Variants in UCN3 observed in about 807,000 individuals in gnomAD.
The protein encoded by UCN3 is urocortin-3.
UCN3 carries 3 observed loss-of-function variants against 3.6 expected under a neutral mutation model. That is an observed-to-expected ratio of 0.83 (90% CI 0.38 to 2.15). The LOEUF (loss-of-function observed/expected upper bound fraction) is 2.15. Ranked by LOEUF, UCN3 falls within the 30% of genes most tolerant of loss-of-function variation. The pLI, the probability that UCN3 is intolerant of heterozygous loss-of-function variation, is 0.06. For synonymous variants in UCN3, 100 were observed against 93.2 expected (o/e 1.07, Z -0.42); for missense variants, 206 against 208.3 (o/e 0.99, Z 0.07).
chr10:5,370,565 G>A (rs1428857241), intron 1 of UCN3, among the ~76,000 whole-genome samples: 1 of 109,884 alleles, frequency 9.1e-6, no homozygotes, highest in African/African-American at 3.7e-5. Context: ...ATATGTGTGT[G>A]TATATGCGTG....
At position 5,373,730 on chromosome 10, in the gene UCN3, C is replaced by G. The variant is rs2119114102; in HGVS notation, c.10C>G (p.Pro4Ala). 6.2e-7 allele frequency: 1 copy of G among 1,613,452 alleles called. No homozygotes were observed. The highest frequency in any genetic ancestry group is 2.2e-5 in the East Asian group (1 of 44,850). MLMPVHFLLLLLLL... is the reference protein window; with the variant it reads MLMAVHFLLLLLLL... ...TCTGCTGCAGGGAGAGATGCTGATGCCGGTCCACTTCCTGCTGCTCCTGCT... is the reference window on the plus strand; with the variant it reads ...TCTGCTGCAGGGAGAGATGCTGATGGCGGTCCACTTCCTGCTGCTCCTGCT... Residue 4 changes from proline (P) to alanine (A), a missense_variant, in exon 2 of 2, where the codon CCG becomes GCG. Coordinates refer to ENST00000380433, the MANE Select transcript of UCN3 (RefSeq NM_053049.4).
rs143657571 is a variant in UCN3, at chr10:5,373,248, T to G, written c.-6-467T>G. Among the ~76,000 whole-genome samples the G allele has an allele frequency of 7.2e-5, 11 of 152,354 alleles. No individual in the cohort carries two copies. The East Asian group carries it at 1.9e-3, about 27-fold the overall frequency. On this transcript the variant is annotated intron_variant, in intron 1 of 1. Transcript: ENST00000380433. ...TGACTAGACGCCCAGCCATGGTCTTTAAGCAACAGGGATATATTCAGTCAG... is the reference window on the plus strand; with the variant it reads ...TGACTAGACGCCCAGCCATGGTCTTGAAGCAACAGGGATATATTCAGTCAG...
chr10:5,374,088 C>T lies in UCN3; in HGVS notation c.368C>T (p.Ser123Phe), dbSNP rs1413001233. The T allele has an allele frequency of 2.5e-6, 4 of 1,613,648 alleles. No individual in the cohort carries two copies. Among genetic ancestry groups the T allele is most frequent in the Non-Finnish European group, 3.4e-6 (4 of 1,179,968 alleles). ...CCCCACCGCACCAAGTTCACCCTGT[C>T]CCTCGACGTCCCCACCAACATCATG... is the stretch of plus-strand genomic sequence containing the variant. ...KSPHRTKFTLSLDVPTNIMNL... is the reference protein window; with the variant it reads ...KSPHRTKFTLFLDVPTNIMNL... Residue 123 changes from serine to phenylalanine, a missense_variant, in exon 2 of 2, where the codon TCC (serine) becomes TTC (phenylalanine). By Grantham distance (155) the Ser-to-Phe change is radical. Coordinates refer to ENST00000380433, the MANE Select transcript of UCN3 (RefSeq NM_053049.4).
chr10:5,368,721 G>A (rs1473513852), intron 1 of UCN3, among the ~76,000 whole-genome samples: 2 of 152,074 alleles, frequency 1.3e-5, no homozygotes, highest in African/African-American at 4.8e-5. Context: ...AAGGTATAAG[G>A]CAGCTAAAAC....
In UCN3 at chr10:5,374,463, T is replaced by G; in HGVS notation, c.*257T>G. On this transcript the variant is annotated 3_prime_UTR_variant, in exon 2 of 2. Transcript: ENST00000380433. The stretch of plus-strand genomic sequence containing the variant: ...CCAGACACAAAGCAGCTAACGTTCC[T>G]CCCTGTACTCAGCGTCTCCTTCCTC... The G allele has an allele frequency of 2.3e-6, 1 of 428,176 alleles. No homozygotes were observed. Among genetic ancestry groups the G allele is most frequent in the East Asian group, 4.6e-5 (1 of 21,636 alleles). The allele number at this position is 428,176 out of a possible 1,614,324, so 26.5% of individuals were successfully genotyped here.
Position 5,374,081 on chromosome 10 carries a change from ACCCTGTC to A in UCN3, c.364_370del (p.Leu122SerfsTer8). On this transcript the variant is annotated frameshift_variant, in exon 2 of 2. Transcript: ENST00000380433. LOFTEE classifies it high-confidence loss of function. ...CAAGAGTCCCCACCGCACCAAGTTC[ACCCTGTC>A]CCTCGACGTCCCCACCAACATCATG... 1 of 1,613,118 alleles carries A rather than the reference ACCCTGTC, an allele frequency of 6.2e-7. No homozygotes were observed.
chr10:5,373,394 G>A (rs1196190968), intron 1 of UCN3, among the ~76,000 whole-genome samples: 1 of 152,162 alleles, frequency 6.6e-6, no homozygotes, highest in Non-Finnish European at 1.5e-5. Context: ...TGCCTGCAAA[G>A]CTGAATTAAA....
chr10:5,368,261 C>G (rs7476982), intron 1 of UCN3, among the ~76,000 whole-genome samples: 2 of 152,014 alleles, frequency 1.3e-5, no homozygotes, highest in Non-Finnish European at 2.9e-5. Flanking sequence ...GCCTCGGCCC[C>G]CCAAAGTGCT....
intron 1 of UCN3, among the ~76,000 whole-genome samples, chr10:5,369,060 G>A (rs955453876): frequency 2.0e-5 from 3 of 152,268 alleles, no homozygotes; most frequent in African/African-American, 2.4e-5. Flanking sequence ...TGTTTGAACC[G>A]CGCCTTCACA....
intron 1 of UCN3, among the ~76,000 whole-genome samples, chr10:5,370,467 A>G (rs879975439): frequency 4.0e-4 from 23 of 56,936 alleles, no homozygotes; most frequent in Non-Finnish European, 5.1e-4. Flanking sequence ...ATATGTGTGT[A>G]TATGCGTGTG....
At chr10:5,369,760 C>CA (rs1376857461) in intron 1 of UCN3, among the ~76,000 whole-genome samples, 3 of 151,930 alleles carry the variant, frequency 2.0e-5, no homozygotes, top group South Asian at 2.1e-4. Context: ...ATTTCTTAGA[C>CA]AAAAAAATTA....
In UCN3 at chr10:5,365,156, C is replaced by CG. The variant is rs1484961836; in HGVS notation, c.-77dup. On this transcript the variant is annotated 5_prime_UTR_variant, in exon 1 of 2. It removes the in-frame stop codon of an upstream open reading frame in the 5' UTR. Coordinates refer to ENST00000380433, the MANE Select transcript of UCN3 (RefSeq NM_053049.4). This position sits in a 1 kb window ranked among gnomAD's most constrained non-coding sequence, Gnocchi z 4.4. ...AGCCACAAGTTCATGGGGACGTGCA[C>CG]GGGGCCGCCCTCCTGGCCCTGAAGC... 2 of 152,310 alleles carry CG rather than the reference C, an allele frequency of 1.3e-5. No homozygotes were observed. Among genetic ancestry groups the CG allele is most frequent in the Non-Finnish European group, 2.9e-5 (2 of 68,116 alleles). The allele number at this position is 152,310 out of a possible 1,614,324, so 9.4% of individuals were successfully genotyped here.
intron 1 of UCN3, among the ~76,000 whole-genome samples, chr10:5,373,232 G>T (rs751300108): frequency 3.3e-5 from 5 of 152,154 alleles, no homozygotes; most frequent in Non-Finnish European, 5.9e-5. Context: ...TTGACTAGAC[G>T]CCCAGCCATG....
chr10:5,372,119 T>G, intron 1 of UCN3, among the ~76,000 whole-genome samples: 1 of 152,216 alleles, frequency 6.6e-6, no homozygotes. Flanking sequence ...TTCATCCTTG[T>G]GCATGATGAA....
In UCN3 at chr10:5,373,847, G is replaced by T; in HGVS notation, c.127G>T (p.Ala43Ser). The change falls in exon 2 of 2, where the codon GCT becomes TCT. Residue 43 changes from alanine (A) to serine (S), a missense_variant. Coordinates refer to ENST00000380433, the MANE Select transcript of UCN3 (RefSeq NM_053049.4). ...FSCLNTALSE[A>S]EKGQWEDASL... ...CTGCCTCAACACCGCCCTGTCTGAGGCTGAGAAGGGCCAGTGGGAGGATGC... is the reference window on the plus strand; with the variant it reads ...CTGCCTCAACACCGCCCTGTCTGAGTCTGAGAAGGGCCAGTGGGAGGATGC... The T allele has an allele frequency of 6.2e-7, 1 of 1,614,096 alleles. No individual in the cohort carries two copies. Among genetic ancestry groups the T allele is most frequent in the Non-Finnish European group, 8.5e-7 (1 of 1,179,990 alleles).
rs967442920 is a variant in UCN3 at position 5,373,856 on chromosome 10, G to A, written c.136G>A (p.Gly46Ser). Residue 46 changes from glycine (G) to serine (S), a missense_variant, in exon 2 of 2, where the codon GGC (glycine) becomes AGC (serine). Physicochemically the swap from Gly to Ser is moderately conservative, Grantham distance 56 (BLOSUM62 0). Transcript: ENST00000380433. ...LNTALSEAEK[G>S]QWEDASLLSK... ...CACCGCCCTGTCTGAGGCTGAGAAGGGCCAGTGGGAGGATGCATCCCTGCT... is the reference window on the plus strand; with the variant it reads ...CACCGCCCTGTCTGAGGCTGAGAAGAGCCAGTGGGAGGATGCATCCCTGCT... 5 of 1,613,978 alleles carry A rather than the reference G, an allele frequency of 3.1e-6. No homozygotes were observed. Among genetic ancestry groups the A allele is most frequent in the Admixed American group, 3.3e-5 (2 of 60,002 alleles).
rs1462334115 is a variant in UCN3 at position 5,366,523 on chromosome 10, T to G, written c.-7+1293T>G. Reference sequence around the variant, plus strand: ...TATGTGGGAAGTACAGAGTATCTTTTCTTCTTTGGGGAGAGTTCCTTTTCT... The same window carrying G: ...TATGTGGGAAGTACAGAGTATCTTTGCTTCTTTGGGGAGAGTTCCTTTTCT... On this transcript the variant is annotated intron_variant, in intron 1 of 1. Transcript: ENST00000380433. The surrounding 1 kb of genome is among the most constrained non-coding windows in gnomAD (Gnocchi z 4.2). Among the ~76,000 whole-genome samples the G allele has an allele frequency of 2.6e-5, 4 of 152,208 alleles. No individual in the cohort carries two copies. The highest frequency in any genetic ancestry group is 5.9e-5 in the Non-Finnish European group (4 of 68,026).
intron 1 of UCN3, among the ~76,000 whole-genome samples, chr10:5,372,716 A>ATT (rs1156663637): frequency 0.053 from 6,773 of 127,630 alleles, 301 homozygotes; most frequent in South Asian, 0.13. Flanking sequence ...CGCCCAGCTA[A>ATT]TTTTTTTTTT....
At chr10:5,370,370 TGTATATGC>T (rs1296148434) in intron 1 of UCN3, among the ~76,000 whole-genome samples, 1 of 81,510 alleles carries the variant, frequency 1.2e-5, no homozygotes, top group African/African-American at 6.9e-5. Flanking sequence ...TATATGCGTG[TGTATATGC>T]GTGTATATGC....
Sources: gnomAD v4.1 joint callset for allele counts (sites outside exome capture counted in the v4.1 genomes callset) on GRCh38, gnomAD v4.1.1 for gene constraint, Gnocchi (gnomAD v3.1) non-coding constraint, MANE v1.5 for transcripts, NCBI Gene and HGNC (gene_info 2026-07-23, HGNC 2026-07-21) for gene names.